The following PIP5K1C variants were observed in gnomAD, a reference collection of about 807,000 sequenced individuals.
PIP5K1C encodes the protein phosphatidylinositol-4-phosphate 5-kinase type 1 gamma.
A neutral mutation model predicts 80.1 loss-of-function variants in PIP5K1C; 45 were observed. The observed-to-expected ratio is 0.56, with a 90% CI of 0.44 to 0.72. The LOEUF (loss-of-function observed/expected upper bound fraction) is 0.72, where lower values mean the gene tolerates loss of function less well. Ranked by LOEUF, PIP5K1C falls within the 30% of genes least tolerant of loss-of-function variation. PIP5K1C has a pLI of 0.00. For missense variants in PIP5K1C, 753 were observed against 954.6 expected, an observed-to-expected ratio of 0.79 and a Z score of 2.78; for synonymous variants, 498 against 420.1, an observed-to-expected ratio of 1.19 and a Z score of -2.27.
intron 1 of PIP5K1C, among the ~76,000 whole-genome samples, chr19:3,687,943 G>A (rs2035815362): frequency 6.6e-6 from 1 of 152,222 alleles, no homozygotes; most frequent in African/African-American, 2.4e-5. Flanking sequence ...GGGCCCCAAT[G>A]TCCAGGGAGA....
chr19:3,686,508 C>G (rs2035764600), intron 1 of PIP5K1C, among the ~76,000 whole-genome samples: 1 of 151,054 alleles, frequency 6.6e-6, no homozygotes, highest in Admixed American at 6.6e-5. Flanking sequence ...CACCTGAGGT[C>G]GGGAGTTTGA....
At chr19:3,659,392 G>A (rs1717845674) in intron 5 of PIP5K1C, among the ~76,000 whole-genome samples, 1 of 152,220 alleles carries the variant, frequency 6.6e-6, no homozygotes, top group Admixed American at 6.5e-5. Flanking sequence ...CTGGCCTAAG[G>A]CCCTGGAATG....
intron 1 of PIP5K1C, among the ~76,000 whole-genome samples, chr19:3,671,042 G>A (rs952955473): frequency 1.3e-5 from 2 of 152,216 alleles, no homozygotes; most frequent in Non-Finnish European, 1.5e-5. Context: ...ACGGTTTTAC[G>A]TCCAGGGTGT....
Position 3,638,784 on chromosome 19 carries a change from C to G in PIP5K1C, c.1920+100G>C, listed in dbSNP as rs899892156. ...TGGGTCGACAGGGCACACTCACGTG[C>G]CTGTGTGCAGGTGTGTGTATGCGGT... On this transcript the variant is annotated intron_variant, in intron 16 of 17. Transcript: ENST00000335312. 5.4e-6 allele frequency: 8 copies of G among 1,486,364 alleles called. No homozygotes were observed. The African/African-American group carries it at 1.1e-4, about 21-fold the overall frequency. 92.1% of individuals were successfully genotyped at this position (1,486,364 alleles called of 1,614,324 possible).
chr19:3,633,490 G>A lies in PIP5K1C; in HGVS notation c.1951C>T (p.Pro651Ser). The A allele has an allele frequency of 6.6e-7, 1 of 1,511,058 alleles. No individual in the cohort carries two copies. Among genetic ancestry groups the A allele is most frequent in the Non-Finnish European group, 8.9e-7 (1 of 1,126,774 alleles). 93.6% of individuals were successfully genotyped at this position (1,511,058 alleles called of 1,614,324 possible). A position where few individuals can be genotyped will look rare whatever the true frequency, so the allele number is the denominator to read the frequency against. The change falls in exon 17 of 18, where the codon CCG (proline) becomes TCG (serine). Residue 651 changes from proline to serine, a missense_variant. Pro to Ser is a moderately conservative substitution (Grantham distance 74). This residue lies in a region of PIP5K1C where 315 missense variants were observed against 294.5 expected (regional missense o/e 1.07). Coordinates refer to ENST00000335312, the MANE Select transcript of PIP5K1C (RefSeq NM_012398.3). ...PTDERSWVYS[P>S]LHYSAQAPPA... ...GGGGCCTGGGCGCTATAGTGGAGCG[G>A]GGAGTACACCCAGCTCCTCTCATCG... is the stretch of plus-strand genomic sequence containing the variant.
In PIP5K1C at chr19:3,641,794, T is replaced by C. The variant is rs60418344; in HGVS notation, c.1698A>G (p.Pro566=). The change falls in exon 15 of 18, where the codon CCA becomes CCG. Residue 566 remains proline, a synonymous_variant. Transcript: ENST00000335312. Reference sequence around the variant, plus strand: ...TCTGCTGCAGATCCTCTTCCGCGGGTGGCTCCTCCTGCGGCCTGCAGGCAA... The same window carrying C: ...TCTGCTGCAGATCCTCTTCCGCGGGCGGCTCCTCCTGCGGCCTGCAGGCAA... ...SGQDGRPQEE[P]PAEEDLQQIT... is the part of the protein sequence containing the mutation. 6,924 of 1,611,614 alleles carry C rather than the reference T, an allele frequency of 4.3e-3. 245 individuals carry two copies. In the African/African-American group the frequency reaches 0.08, roughly 19 times the overall value.
At chr19:3,685,407 A>G (rs547523891) in intron 1 of PIP5K1C, among the ~76,000 whole-genome samples, 1 of 152,312 alleles carries the variant, frequency 6.6e-6, no homozygotes, top group African/African-American at 2.4e-5. Context: ...GGTATACCAC[A>G]GTCCAGGGGC....
rs1461248391 is a variant in PIP5K1C, at chr19:3,696,708, G to A, written c.94+3589C>T. On this transcript the variant is annotated intron_variant, in intron 1 of 17. Transcript: ENST00000335312. The surrounding 1 kb of genome is among the most constrained non-coding windows in gnomAD (Gnocchi z 4.1). Reference sequence around the variant, plus strand: ...CATGGGCCTACAGCAGAGTGCAGACGGGAGGGCAGGGAGGGCAGAGTGCGG... The same window carrying A: ...CATGGGCCTACAGCAGAGTGCAGACAGGAGGGCAGGGAGGGCAGAGTGCGG... 7.1e-6 allele frequency among the ~76,000 whole-genome samples: 1 copy of A among 139,942 alleles called. No individual in the cohort carries two copies. Among genetic ancestry groups the A allele is most frequent in the Non-Finnish European group, 1.5e-5 (1 of 66,034 alleles). 91.8% of individuals were successfully genotyped at this position (139,942 alleles called of 152,430 possible).
At position 3,638,753 on chromosome 19, in the gene PIP5K1C, TGTGG is replaced by T. The variant is rs3217037; in HGVS notation, c.1920+127_1920+130del. On this transcript the variant is annotated intron_variant, in intron 16 of 17. Coordinates refer to ENST00000335312, the MANE Select transcript of PIP5K1C (RefSeq NM_012398.3). ...GAGAGTGCTGGCTGGTGAGAGAGCATGTGGGTGGGTCGACAGGGCACACTCACGT... is the reference window on the plus strand; with the variant it reads ...GAGAGTGCTGGCTGGTGAGAGAGCATGTGGGTCGACAGGGCACACTCACGT... The T allele has an allele frequency of 0.11, 129,142 of 1,176,792 alleles. 11,625 individuals carry two copies. Among genetic ancestry groups the T allele is most frequent in the Admixed American group, 0.37 (21,845 of 58,710 alleles). The allele number at this position is 1,176,792 out of a possible 1,614,324, so 72.9% of individuals were successfully genotyped here. A position where few individuals can be genotyped will look rare whatever the true frequency, so the allele number is the denominator to read the frequency against.
At chr19:3,697,483 GGGGAGGACCGAGCTGGACCA>G (rs1568367078) in intron 1 of PIP5K1C, among the ~76,000 whole-genome samples, 5 of 151,222 alleles carry the variant, frequency 3.3e-5, no homozygotes, top group South Asian at 2.1e-4. Context: ...GAGCTGGACC[GGGGAGGACCGAGCTGGACCA>G]GGGAGGACCA....
intron 15 of PIP5K1C, among the ~76,000 whole-genome samples, chr19:3,641,075 C>CGTG: frequency 6.6e-6 from 1 of 151,762 alleles, no homozygotes; most frequent in South Asian, 2.1e-4. Context: ...ATTAGCCATG[C>CGTG]GTGGTGGTGG....
chr19:3,663,004 G>A (rs2145491045), intron 3 of PIP5K1C, among the ~76,000 whole-genome samples: 1 of 152,076 alleles, frequency 6.6e-6, no homozygotes, highest in Admixed American at 6.5e-5. Flanking sequence ...GGGATTACAG[G>A]CACGCACCAG....
Position 3,646,062 on chromosome 19 carries a change from G to A in PIP5K1C, c.1261-4C>T, listed in dbSNP as rs760648389. The A allele has an allele frequency of 1.8e-4, 283 of 1,605,430 alleles. No homozygotes were observed. Among genetic ancestry groups the A allele is most frequent in the Middle Eastern group, 6.6e-4 (4 of 6,070 alleles). On this transcript the variant is annotated splice_polypyrimidine_tract_variant and splice_region_variant and intron_variant, in intron 10 of 17. Transcript: ENST00000335312. ...GGCGGTGGACGGACACCGTGTCCTG[G>A]AAGAGAGTTGGGGGGGGTGCCCGGG...
rs751100499 is a variant in PIP5K1C, at chr19:3,642,861, A to G, written c.1682+46T>C. On this transcript the variant is annotated intron_variant, in intron 14 of 17. Coordinates refer to ENST00000335312, the MANE Select transcript of PIP5K1C (RefSeq NM_012398.3). ...CGGGAAACGGAGCTGGGAGCTGTGC[A>G]GGAGGAGCTGGTGAGACCCAGGGAA... 12 of 1,532,988 alleles carry G rather than the reference A, an allele frequency of 7.8e-6. No homozygotes were observed. The Admixed American group carries it at 2.0e-4, about 26-fold the overall frequency. 95.0% of individuals were successfully genotyped at this position (1,532,988 alleles called of 1,614,324 possible). A position where few individuals can be genotyped will look rare whatever the true frequency, so the allele number is the denominator to read the frequency against.
intron 1 of PIP5K1C, among the ~76,000 whole-genome samples, chr19:3,683,329 G>T (rs2035647212): frequency 6.6e-6 from 1 of 152,128 alleles, no homozygotes; most frequent in Non-Finnish European, 1.5e-5. Flanking sequence ...AGGGCACAGT[G>T]GGCTTGGCTC....
intron 10 of PIP5K1C, 135 bp downstream of exon 10, chr19:3,647,203 A>G (rs1316697820): frequency 6.2e-6 from 4 of 645,350 alleles, no homozygotes; most frequent in Admixed American, 2.6e-5. Context: ...CACTCACAGG[A>G]GGAGGAGGGA....
In PIP5K1C at chr19:3,638,932, G is replaced by A. The variant is rs2033830425; in HGVS notation, c.1872C>T (p.Ala624=). 3.1e-6 allele frequency: 5 copies of A among 1,612,618 alleles called. No homozygotes were observed. The highest frequency in any genetic ancestry group is 3.4e-6 in the Non-Finnish European group (4 of 1,179,914). ...CGTCCTCCTCGTCCGAGGCCTGGCT[G>A]GCAGGTGCGCCCTCCTCGTCTGAGG... ...SQASDEEGAP[A]SQASDEEDAP... Residue 624 remains alanine (A), a synonymous_variant, in exon 16 of 18, where the codon GCC becomes GCT. Coordinates refer to ENST00000335312, the MANE Select transcript of PIP5K1C (RefSeq NM_012398.3).
Position 3,653,397 on chromosome 19 carries a change from A to C in PIP5K1C, c.814T>G (p.Phe272Val). ...AAGTCCAGGTCCTTGTAGGTGGGGA[A>C]GCTCTTCTCCTTCTCCTTCTTGCTG... ...RASKKEKEKS[F>V]PTYKDLDFMQ... The change falls in exon 7 of 18, where the codon TTC becomes GTC. Residue 272 changes from phenylalanine to valine, a missense_variant. Physicochemically the swap from Phe to Val is conservative, Grantham distance 50 (BLOSUM62 -1). Around this residue, in one of 6 missense-constraint regions of PIP5K1C, gnomAD observed 105 missense variants for 133.4 expected, o/e 0.79. Coordinates refer to ENST00000335312, the MANE Select transcript of PIP5K1C (RefSeq NM_012398.3). 1.2e-6 allele frequency: 2 copies of C among 1,613,082 alleles called. No homozygotes were observed. The highest frequency in any genetic ancestry group is 1.7e-6 in the Non-Finnish European group (2 of 1,180,000).
At position 3,640,692 on chromosome 19, in the gene PIP5K1C, G is replaced by A. The variant is rs940011458; in HGVS notation, c.1787+1013C>T. ...AAGGTGGGCAGATCACTCGAGGTCA[G>A]TTTTTTTTTTTTTAGGTGGAGTCTT... On this transcript the variant is annotated intron_variant, in intron 15 of 17. Transcript: ENST00000335312. 4.2e-5 allele frequency among the ~76,000 whole-genome samples: 6 copies of A among 143,010 alleles called. No homozygotes were observed. The South Asian group carries it at 1.4e-3, about 33-fold the overall frequency. The allele number at this position is 143,010 out of a possible 152,430, so 93.8% of individuals were successfully genotyped here.
Sources: allele counts gnomAD v4.1 joint callset (sites outside exome capture counted in the v4.1 genomes callset), GRCh38; gene constraint gnomAD v4.1.1; regional missense constraint gnomAD v4.1.1; non-coding constraint Gnocchi (gnomAD v3.1); transcripts MANE v1.5; gene names NCBI Gene and HGNC (gene_info 2026-07-23, HGNC 2026-07-21).